Variants in ADCY2 observed in about 807,000 individuals in gnomAD.
ADCY2 encodes adenylate cyclase type 2.
A neutral mutation model predicts 125.2 loss-of-function variants in ADCY2; 31 were observed. That is an observed-to-expected ratio of 0.25 (90% CI 0.19 to 0.33). The LOEUF (loss-of-function observed/expected upper bound fraction) is 0.33. ADCY2 is among the 10% of genes least tolerant of loss of function. The probability of loss-of-function intolerance (pLI) is 1.00; values close to 1 mark genes in which losing one functional copy is unlikely to be tolerated. For missense variants in ADCY2, 904 were observed against 1,418.2 expected (o/e 0.64, Z 5.82); for synonymous variants, 512 against 548.4 (o/e 0.93, Z 0.93).
At chr5:7,728,892 C>T (rs1451768714) in intron 14 of ADCY2, among the ~76,000 whole-genome samples, 1 of 152,078 alleles carries the variant, frequency 6.6e-6, no homozygotes, top group Admixed American at 6.6e-5. Context: ...CTTCCAGGAA[C>T]CAGGAAAAAC....
At chr5:7,776,023 A>C (rs1341706258) in intron 18 of ADCY2, among the ~76,000 whole-genome samples, 1 of 152,124 alleles carries the variant, frequency 6.6e-6, no homozygotes, top group Non-Finnish European at 1.5e-5. Flanking sequence ...TGCCTGTTTT[A>C]CGTAACCCTG....
chr5:7,436,339 A>G (rs1038788060), intron 2 of ADCY2, among the ~76,000 whole-genome samples: 1 of 152,212 alleles, frequency 6.6e-6, no homozygotes, highest in Non-Finnish European at 1.5e-5. Flanking sequence ...TGGCAATATC[A>G]ATAAAATAAC....
At chr5:7,808,459 C>T (rs1744826794) in intron 22 of ADCY2, among the ~76,000 whole-genome samples, 1 of 152,182 alleles carries the variant, frequency 6.6e-6, no homozygotes, top group Non-Finnish European at 1.5e-5. Context: ...TTTCCCTGAC[C>T]TTGTTGAACC....
At chr5:7,557,360 A>G (rs1735558893) in intron 3 of ADCY2, among the ~76,000 whole-genome samples, 1 of 151,966 alleles carries the variant, frequency 6.6e-6, no homozygotes, top group Non-Finnish European at 1.5e-5. Flanking sequence ...TAGCCTCACA[A>G]CATGTTTGTT....
At chr5:7,527,078 C>A (rs974450235) in intron 3 of ADCY2, among the ~76,000 whole-genome samples, 1 of 152,152 alleles carries the variant, frequency 6.6e-6, no homozygotes, top group Non-Finnish European at 1.5e-5. Flanking sequence ...CATATCAAGG[C>A]AAAGGGAAAT....
chr5:7,514,779 C>T (rs886281039), intron 2 of ADCY2, among the ~76,000 whole-genome samples: 1 of 152,132 alleles, frequency 6.6e-6, no homozygotes, highest in Non-Finnish European at 1.5e-5. Context: ...GGAGCAAGGC[C>T]ATGTAAGATG....
intron 3 of ADCY2, chr5:7,522,764 A>T (rs1471716607): frequency 1.9e-5 from 1 of 52,082 alleles, no homozygotes; most frequent in Non-Finnish European, 6.7e-5. Context: ...AAAAAAAAAA[A>T]AAAAAAAAAA....
At chr5:7,543,622 T>C (rs902505393) in intron 3 of ADCY2, among the ~76,000 whole-genome samples, 5 of 152,134 alleles carry the variant, frequency 3.3e-5, no homozygotes, top group Admixed American at 3.3e-4. Context: ...CACAATTACC[T>C]TTGCACCAAC....
chr5:7,725,189 T>TTGTTGC (rs2126396755), intron 13 of ADCY2, among the ~76,000 whole-genome samples: 1 of 152,320 alleles, frequency 6.6e-6, no homozygotes, highest in East Asian at 1.9e-4. Flanking sequence ...ATTCAGTTAA[T>TTGTTGC]TGTTGCAGAA....
At chr5:7,485,778 C>T (rs1235704687) in intron 2 of ADCY2, among the ~76,000 whole-genome samples, 1 of 152,130 alleles carries the variant, frequency 6.6e-6, no homozygotes, top group African/African-American at 2.4e-5. Context: ...GTTTTATTAA[C>T]ATTCTAGTTG....
At chr5:7,449,151 C>G (rs906071310) in intron 2 of ADCY2, among the ~76,000 whole-genome samples, 1 of 152,132 alleles carries the variant, frequency 6.6e-6, no homozygotes, top group Admixed American at 6.5e-5. Flanking sequence ...TGTTTTTTGA[C>G]TTTCTGATAA....
intron 2 of ADCY2, among the ~76,000 whole-genome samples, chr5:7,458,705 C>T (rs1287772641): frequency 6.6e-6 from 1 of 152,104 alleles, no homozygotes; most frequent in Non-Finnish European, 1.5e-5. Context: ...TCACCATTAT[C>T]ACACAATTGT....
chr5:7,491,863 A>C (rs987044496), intron 2 of ADCY2, among the ~76,000 whole-genome samples: 12 of 152,204 alleles, frequency 7.9e-5, no homozygotes, highest in African/African-American at 2.9e-4. Flanking sequence ...GTTCTGTTTT[A>C]TTCATCTATC....
At position 7,560,927 on chromosome 5, in the gene ADCY2, A is replaced by G. The variant is rs918127763; in HGVS notation, c.570+40028A>G. On this transcript the variant is annotated intron_variant, in intron 3 of 24. Transcript: ENST00000338316. Reference sequence around the variant, plus strand: ...GGTCTCGAACTCCTGACCTCAAGTGATCCACCTGCCTCAGCCTCCCAAAGT... The same window carrying G: ...GGTCTCGAACTCCTGACCTCAAGTGGTCCACCTGCCTCAGCCTCCCAAAGT... 6.6e-5 allele frequency among the ~76,000 whole-genome samples: 10 copies of G among 152,180 alleles called. 1 individual carries two copies. The highest frequency in any genetic ancestry group is 6.5e-4 in the Admixed American group (10 of 15,272).
chr5:7,706,919 G>T lies in ADCY2; in HGVS notation c.1268+17G>T, dbSNP rs1309913912. 1 of 1,613,324 alleles carries T rather than the reference G, an allele frequency of 6.2e-7. No individual in the cohort carries two copies. Reference sequence around the variant, plus strand: ...GGTCCCTGGGTAAGGCCAAGCATTGGATTTCTTTCTTCAAGCAGGCAGAAC... The same window carrying T: ...GGTCCCTGGGTAAGGCCAAGCATTGTATTTCTTTCTTCAAGCAGGCAGAAC... On this transcript the variant is annotated intron_variant, in intron 8 of 24. Transcript: ENST00000338316.
intron 20 of ADCY2, 136 bp downstream of exon 20, chr5:7,789,936 C>A: frequency 1.5e-6 from 1 of 670,072 alleles, no homozygotes; most frequent in Non-Finnish European, 2.4e-6. Flanking sequence ...CCAAGATTGG[C>A]TTGAATTGTT....
Position 7,829,514 on chromosome 5 carries a change from C to A in ADCY2, c.*2643C>A, listed in dbSNP as rs1289266623. On this transcript the variant is annotated 3_prime_UTR_variant, in exon 25 of 25. Transcript: ENST00000338316. ...TGCCAGGCAGAAAACTGGCAGTGCA[C>A]CTCTCATCAGCCCAGGTCCCAGTGC... The A allele has an allele frequency of 1.3e-5, 2 of 152,286 alleles. No homozygotes were observed. The highest frequency in any genetic ancestry group is 4.9e-5 in the African/African-American group (2 of 41,220). 9.4% of individuals were successfully genotyped at this position (152,286 alleles called of 1,614,324 possible).
chr5:7,618,342 T>C (rs1737834817), intron 3 of ADCY2, among the ~76,000 whole-genome samples: 1 of 152,198 alleles, frequency 6.6e-6, no homozygotes, highest in African/African-American at 2.4e-5. Flanking sequence ...GACCTTCTAT[T>C]GTGTAGATTA....
At chr5:7,779,108 T>C (rs757233532) in intron 18 of ADCY2, among the ~76,000 whole-genome samples, 1 of 152,186 alleles carries the variant, frequency 6.6e-6, no homozygotes, top group African/African-American at 2.4e-5. Flanking sequence ...TGATACCTAC[T>C]ATCAGGGCAG....
Sources: gnomAD v4.1 joint callset for allele counts (sites outside exome capture counted in the v4.1 genomes callset) on GRCh38, gnomAD v4.1.1 for gene constraint, MANE v1.5 for transcripts, NCBI Gene and HGNC (gene_info 2026-07-23, HGNC 2026-07-21) for gene names.